Variants in USP30 observed in about 807,000 individuals in gnomAD.
USP30 encodes the protein ubiquitin specific peptidase 30.
A neutral mutation model predicts 68.2 loss-of-function variants in USP30; 41 were observed. The observed-to-expected ratio is 0.60, with a 90% CI of 0.47 to 0.78. The LOEUF (loss-of-function observed/expected upper bound fraction) is 0.78. USP30 is among the 30% of genes least tolerant of loss of function. USP30 has a pLI of 0.00. For missense variants in USP30, 522 were observed against 649.4 expected (o/e 0.80, Z 2.13); for synonymous variants, 229 against 253.7 (o/e 0.90, Z 0.93).
chr12:109,033,258 G>A lies in USP30; in HGVS notation c.-136+5702G>A, dbSNP rs1036514286. Among the ~76,000 whole-genome samples, 10 of 152,302 alleles carry A rather than the reference G, an allele frequency of 6.6e-5. 1 individual carries two copies. The South Asian group carries it at 1.7e-3, about 25-fold the overall frequency. On this transcript the variant is annotated intron_variant, in intron 3 of 15. Transcript: ENST00000392784. ...ATACTTCAAGGCATACCCATAGACC[G>A]GGTAGTCTTCAGTATGTATAAAGAA...
chr12:109,046,379 C>T (rs1010556651), intron 3 of USP30, among the ~76,000 whole-genome samples: 1 of 150,996 alleles, frequency 6.6e-6, no homozygotes, highest in African/African-American at 2.4e-5. Flanking sequence ...TCCCACAGTG[C>T]TGGGATTACG....
intron 1 of USP30, among the ~76,000 whole-genome samples, chr12:109,055,401 T>TATATATATATATATATATATATA (rs61062424): frequency 6.7e-5 from 2 of 29,634 alleles, no homozygotes; most frequent in African/African-American, 2.4e-4. Context: ...TATATATATA[T>TATATATATATATATATATATATA]TTTTTTTTTT....
intron 3 of USP30, among the ~76,000 whole-genome samples, chr12:109,040,139 A>C (rs934270110): frequency 2.6e-5 from 4 of 152,220 alleles, no homozygotes; most frequent in Admixed American, 2.6e-4. Flanking sequence ...CAGGTTGATG[A>C]ATAAAATAGT....
rs546976351 is a variant in USP30, at chr12:109,045,444, G to A, written c.-135-2146G>A. Among the ~76,000 whole-genome samples the A allele has an allele frequency of 3.3e-5, 5 of 149,302 alleles. No individual in the cohort carries two copies. The South Asian group carries it at 8.5e-4, about 25-fold the overall frequency. On this transcript the variant is annotated intron_variant, in intron 3 of 15. Transcript: ENST00000392784. ...AGAAATGTGGGGTGCAGATCACAGT[G>A]GGGGTGGGGGGTGATGGTCCCAGCC...
intron 2 of USP30, chr12:109,025,132 C>T (rs2040435136): frequency 2.0e-5 from 3 of 152,286 alleles, no homozygotes; most frequent in Middle Eastern, 6.8e-3. Context: ...ATCAGAACTG[C>T]AGGCTCTTTA....
At chr12:109,041,924 A>C (rs1593224650) in intron 3 of USP30, among the ~76,000 whole-genome samples, 1 of 152,256 alleles carries the variant, frequency 6.6e-6, no homozygotes, top group East Asian at 1.9e-4. Flanking sequence ...TGACTGCATA[A>C]AGAAAGACAA....
At chr12:109,063,934 G>A (rs1208444093) in intron 3 of USP30, among the ~76,000 whole-genome samples, 2 of 147,294 alleles carry the variant, frequency 1.4e-5, no homozygotes, top group South Asian at 2.1e-4. Context: ...TTGCAGTGGC[G>A]CCATCTCAGC....
chr12:109,062,329 T>C (rs886178727), intron 3 of USP30, among the ~76,000 whole-genome samples: 1 of 113,754 alleles, frequency 8.8e-6, no homozygotes, highest in Non-Finnish European at 1.7e-5. Context: ...CCTCCTTCAC[T>C]TTTTTTTTTT....
At position 109,080,766 on chromosome 12, in the gene USP30, T is replaced by C. The variant is rs12308752; in HGVS notation, c.721-568T>C. ...AATACTTTATTGGTACGGTACCTTT[T>C]CTGTTTTTAGATACACAAGTACTGC... On this transcript the variant is annotated intron_variant, in intron 7 of 12. Coordinates refer to ENST00000257548, the MANE Select transcript of USP30 (RefSeq NM_032663.5). Among the ~76,000 whole-genome samples the C allele has an allele frequency of 9.0e-3, 1,367 of 152,332 alleles. 18 individuals are homozygous for C. Among genetic ancestry groups the C allele is most frequent in the African/African-American group, 0.031 (1,306 of 41,568 alleles).
intron 4 of USP30, among the ~76,000 whole-genome samples, chr12:109,069,190 C>T (rs2041352005): frequency 6.6e-6 from 1 of 152,238 alleles, no homozygotes; most frequent in South Asian, 2.1e-4. Context: ...CCCTCCTCTG[C>T]AGTGCTGTCC....
At chr12:109,052,493 C>G, upstream of USP30, 1 of 470,474 alleles carries the variant, frequency 2.1e-6, no homozygotes, top group South Asian at 5.1e-5. Context: ...CGTGGTCCGT[C>G]AGCTATTGCT....
chr12:109,074,501 GA>G (rs752292174), intron 7 of USP30, among the ~76,000 whole-genome samples: 40 of 152,174 alleles, frequency 2.6e-4, no homozygotes, highest in Non-Finnish European at 4.4e-4. Context: ...GGCAGTGTAT[GA>G]GGGGTTCCAA....
chr12:109,059,294 A>C (rs1050779382), intron 3 of USP30, among the ~76,000 whole-genome samples: 1 of 152,084 alleles, frequency 6.6e-6, no homozygotes, highest in Non-Finnish European at 1.5e-5. Context: ...TCTCAGGTTC[A>C]AGTGATTCTT....
chr12:109,074,446 G>C (rs192798969), intron 7 of USP30, among the ~76,000 whole-genome samples: 22 of 152,260 alleles, frequency 1.4e-4, no homozygotes, highest in African/African-American at 5.1e-4. Flanking sequence ...TTAAGGAACT[G>C]CCAGACTGTT....
intron 1 of USP30, 143 bp downstream of exon 1, chr12:109,052,904 A>G (rs765452005): frequency 9.6e-6 from 8 of 837,290 alleles, no homozygotes; most frequent in Non-Finnish European, 1.2e-5. Flanking sequence ...TTAGGGTTGG[A>G]GGCCTGGGCC....
intron 7 of USP30, among the ~76,000 whole-genome samples, chr12:109,078,336 A>G (rs913258068): frequency 6.6e-6 from 1 of 152,022 alleles, no homozygotes; most frequent in African/African-American, 2.4e-5. Flanking sequence ...AGGCAGGAGA[A>G]TGGCTTGAAC....
chr12:109,029,159 C>T (rs898234636), intron 3 of USP30, among the ~76,000 whole-genome samples: 1 of 152,198 alleles, frequency 6.6e-6, no homozygotes, highest in Admixed American at 6.5e-5. Flanking sequence ...AGAGTTCTCA[C>T]AGAAAGATAC....
chr12:109,063,539 T>C (rs1285062042), intron 3 of USP30, among the ~76,000 whole-genome samples: 1 of 152,252 alleles, frequency 6.6e-6, no homozygotes, highest in Non-Finnish European at 1.5e-5. Flanking sequence ...AATTCCCTGC[T>C]TTCAGTTATT....
chr12:109,081,619 GCGCGCACA>G lies in USP30; in HGVS notation c.780+228_780+235del, dbSNP rs1257363286. On this transcript the variant is annotated intron_variant, in intron 8 of 12. Transcript: ENST00000257548. ...GCTTTTTGAATACACACGCACGCATGCGCGCACACACACACACACACACACACACACAC... is the reference window on the plus strand; with the variant it reads ...GCTTTTTGAATACACACGCACGCATGCACACACACACACACACACACACAC... The G allele has an allele frequency of 2.4e-4, 116 of 490,644 alleles. No individual in the cohort carries two copies. In the African/African-American group the frequency reaches 2.9e-3, roughly 12 times the overall value. The allele number at this position is 490,644 out of a possible 1,614,324, so 30.4% of individuals were successfully genotyped here.
Sources: gnomAD v4.1 joint callset for allele counts (sites outside exome capture counted in the v4.1 genomes callset) on GRCh38, gnomAD v4.1.1 for gene constraint, MANE v1.5 for transcripts, NCBI Gene and HGNC (gene_info 2026-07-23, HGNC 2026-07-21) for gene names.